PRUNE2: variants seen among roughly 807,000 people sequenced by gnomAD.
PRUNE2 encodes protein prune homolog 2.
In PRUNE2, 164 loss-of-function variants were observed where a neutral mutation model predicts 252.0. The ratio of observed to expected loss-of-function variants is 0.65; its 90% CI spans 0.57 to 0.74. PRUNE2 has a LOEUF of 0.74. PRUNE2 is among the 30% of genes least tolerant of loss of function. PRUNE2 has a pLI of 0.00. For synonymous variants in PRUNE2, 1,292 were observed against 1,350.2 expected, an observed-to-expected ratio of 0.96 and a Z score of 0.94; for missense variants, 3,495 against 3,711.0, an observed-to-expected ratio of 0.94 and a Z score of 1.51.
chr9:76,703,977 G>C lies in PRUNE2; in HGVS notation c.7636C>G (p.Leu2546Val), dbSNP rs2046103137. ...TTTACAAGTATGTAATCCATGTGTA[G>C]TGCATGACGATCTTCATTCTTCTCT... ...CTEKNEDRHA[L>V]HMDYILVNRE... is the part of the protein sequence containing the mutation. Residue 2546 changes from leucine to valine, a missense_variant, in exon 9 of 19, where the codon CTA (leucine) becomes GTA (valine). Coordinates refer to ENST00000376718, the MANE Select transcript of PRUNE2 (RefSeq NM_015225.3). 1 of 1,613,856 alleles carries C rather than the reference G, an allele frequency of 6.2e-7. No homozygotes were observed. Among genetic ancestry groups the C allele is most frequent in the Non-Finnish European group, 8.5e-7 (1 of 1,179,816 alleles).
chr9:76,659,572 G>A (rs191382945), intron 9 of PRUNE2, among the ~76,000 whole-genome samples: 1 of 152,240 alleles, frequency 6.6e-6, no homozygotes, highest in East Asian at 1.9e-4. Flanking sequence ...TAGTGTACAG[G>A]TTGAGTATCC....
At chr9:76,796,754 C>T (rs531495026) in intron 6 of PRUNE2, among the ~76,000 whole-genome samples, 5 of 152,258 alleles carry the variant, frequency 3.3e-5, no homozygotes, top group Admixed American at 1.3e-4. Flanking sequence ...ATTAGCAGAC[C>T]GGGTAAAGCT....
rs1263986354 is a variant in PRUNE2 at position 76,851,452 on chromosome 9, G to A, written c.142-787C>T. On this transcript the variant is annotated intron_variant, in intron 2 of 18. Transcript: ENST00000376718. ...AGTCCCAGCTACTTGGGAGGCTGAG[G>A]CAGGAGAATGGTGTGAACCCGGGAG... Among the ~76,000 whole-genome samples, 3 of 151,966 alleles carry A rather than the reference G, an allele frequency of 2.0e-5. No homozygotes were observed. The East Asian group carries it at 5.8e-4, about 29-fold the overall frequency.
chr9:76,613,643 T>C lies in PRUNE2; in HGVS notation c.*927A>G, dbSNP rs1828140576. On this transcript the variant is annotated 3_prime_UTR_variant, in exon 19 of 19. Transcript: ENST00000376718. Reference sequence around the variant, plus strand: ...GACTATAAAGGAAATATTTTGTACATGAAAGTAATACTCATATTTAATTTT... The same window carrying C: ...GACTATAAAGGAAATATTTTGTACACGAAAGTAATACTCATATTTAATTTT... 6.6e-6 allele frequency: 1 copy of C among 152,224 alleles called. No individual in the cohort carries two copies. The highest frequency in any genetic ancestry group is 2.1e-4 in the South Asian group (1 of 4,828). 9.4% of individuals were successfully genotyped at this position (152,224 alleles called of 1,614,324 possible).
At chr9:76,883,818 A>C (rs983020358) in intron 1 of PRUNE2, among the ~76,000 whole-genome samples, 1 of 152,166 alleles carries the variant, frequency 6.6e-6, no homozygotes, top group Admixed American at 6.6e-5. Context: ...TGCTCCTCTC[A>C]TCAAGAGAAG....
intron 1 of PRUNE2, among the ~76,000 whole-genome samples, chr9:76,889,586 T>C (rs987119575): frequency 6.6e-6 from 1 of 152,126 alleles, no homozygotes; most frequent in Non-Finnish European, 1.5e-5. Flanking sequence ...TCCCGAAGTG[T>C]TGGGATTACA....
Position 76,765,072 on chromosome 9 carries a change from G to A in PRUNE2, c.757-51351C>T, listed in dbSNP as rs1460445013. On this transcript the variant is annotated intron_variant, in intron 6 of 18. Transcript: ENST00000376718. ...GGAGATATCAAGCAGGCAAGTTAGA[G>A]ATATACGTTTTGAGTTCAGTAGCAG... Among the ~76,000 whole-genome samples, 10 of 152,310 alleles carry A rather than the reference G, an allele frequency of 6.6e-5. No homozygotes were observed. In the East Asian group the frequency reaches 1.9e-3, roughly 29 times the overall value.
chr9:76,830,095 T>C (rs576168554), intron 4 of PRUNE2, among the ~76,000 whole-genome samples: 1 of 152,332 alleles, frequency 6.6e-6, no homozygotes, highest in South Asian at 2.1e-4. Flanking sequence ...CAAATGTTTT[T>C]ACAGCAGATT....
intron 6 of PRUNE2, chr9:76,786,726 T>C (rs1451628038): frequency 2.6e-5 from 4 of 152,222 alleles, no homozygotes; most frequent in Non-Finnish European, 5.9e-5. Context: ...ATGCTGCCTA[T>C]GGGCTATATT....
At position 76,638,255 on chromosome 9, in the gene PRUNE2, A is replaced by G. The variant is rs1314369151; in HGVS notation, c.8762T>C (p.Val2921Ala). 1 of 1,613,850 alleles carries G rather than the reference A, an allele frequency of 6.2e-7. No homozygotes were observed. Among genetic ancestry groups the G allele is most frequent in the East Asian group, 2.2e-5 (1 of 44,870 alleles). ...GTCTGGCAGAAAACAGGCGGCAAAC[A>G]CAATGATGGCATTTAGACCGTCCCC... ...YYGDGLNAII[V>A]FAACFLPDSS... The change falls in exon 13 of 19, where the codon GTG becomes GCG. Residue 2921 changes from valine (V) to alanine (A), a missense_variant. Val to Ala is a moderately conservative substitution (Grantham distance 64). Transcript: ENST00000376718.
rs558410421 is a variant in PRUNE2, at chr9:76,685,737, G to A, written c.8276+17600C>T. The stretch of plus-strand genomic sequence containing the variant: ...TTTCCACAACTGTGAGAAAATAAAT[G>A]TCTACCGTTTAAGCCACCTCATCTT... On this transcript the variant is annotated intron_variant, in intron 9 of 18. Transcript: ENST00000376718. Among the ~76,000 whole-genome samples the A allele has an allele frequency of 7.2e-5, 11 of 152,276 alleles. No homozygotes were observed. The East Asian group carries it at 1.5e-3, about 21-fold the overall frequency.
intron 6 of PRUNE2, among the ~76,000 whole-genome samples, chr9:76,749,149 T>C (rs1285261367): frequency 6.6e-6 from 1 of 152,172 alleles, no homozygotes; most frequent in Non-Finnish European, 1.5e-5. Context: ...AAACTAAAGA[T>C]TACACTGTAA....
intron 6 of PRUNE2, among the ~76,000 whole-genome samples, chr9:76,717,310 C>T (rs2047235274): frequency 1.3e-5 from 2 of 152,152 alleles, no homozygotes; most frequent in African/African-American, 4.8e-5. Flanking sequence ...CGTGTTTGTT[C>T]TGCTTTTATG....
intron 6 of PRUNE2, among the ~76,000 whole-genome samples, chr9:76,765,965 G>T (rs1192317366): frequency 1.3e-5 from 2 of 152,012 alleles, no homozygotes; most frequent in Non-Finnish European, 2.9e-5. Flanking sequence ...GGCTGATCAC[G>T]AGGTCAAGAG....
intron 6 of PRUNE2, among the ~76,000 whole-genome samples, chr9:76,717,696 A>G (rs767750360): frequency 2.0e-4 from 30 of 151,904 alleles, no homozygotes; most frequent in Non-Finnish European, 3.7e-4. Flanking sequence ...CCAGCCACAC[A>G]CACCTTCTGC....
chr9:76,754,988 A>AAAC (rs869042811), intron 6 of PRUNE2, among the ~76,000 whole-genome samples: 1 of 146,896 alleles, frequency 6.8e-6, no homozygotes, highest in African/African-American at 2.5e-5. Context: ...AAAAAAAAAA[A>AAAC]CCCAAAAAAA....
chr9:76,759,787 G>C (rs1159880053), intron 6 of PRUNE2: 1 of 152,358 alleles, frequency 6.6e-6, no homozygotes, highest in African/African-American at 2.4e-5. Context: ...GTGGACTGCA[G>C]AGTTAAAAGA....
intron 6 of PRUNE2, among the ~76,000 whole-genome samples, chr9:76,774,415 G>A (rs1316099387): frequency 1.4e-5 from 2 of 145,898 alleles, no homozygotes; most frequent in African/African-American, 5.4e-5. Context: ...TGGGATTAGA[G>A]GCATGAGCCA....
At chr9:76,729,845 CATTTCTAA>C (rs2048412129) in intron 6 of PRUNE2, among the ~76,000 whole-genome samples, 1 of 151,950 alleles carries the variant, frequency 6.6e-6, no homozygotes, top group Non-Finnish European at 1.5e-5. Flanking sequence ...TTTAATTTTC[CATTTCTAA>C]TTTCAATTTC....
Sources: gnomAD v4.1 joint callset for allele counts (sites outside exome capture counted in the v4.1 genomes callset) on GRCh38, gnomAD v4.1.1 for gene constraint, MANE v1.5 for transcripts, NCBI Gene and HGNC (gene_info 2026-07-23, HGNC 2026-07-21) for gene names.